The following WWOX variants were observed in gnomAD, a reference collection of about 807,000 sequenced individuals.
WWOX encodes WW domain containing oxidoreductase, also known as WW domain-containing oxidoreductase.
A neutral mutation model predicts 46.2 loss-of-function variants in WWOX; 69 were observed. The observed-to-expected ratio is 1.49, with a 90% CI of 1.23 to 1.82. The LOEUF is 1.82. WWOX is among the 40% of genes most tolerant of loss of function. The pLI is 0.00. For missense variants in WWOX, 919 were observed against 542.6 expected (o/e 1.69, Z -6.89); for synonymous variants, 359 against 202.6 (o/e 1.77, Z -6.56).
chr16:78,621,583 T>C (rs1236921058), intron 8 of WWOX, among the ~76,000 whole-genome samples: 3 of 145,814 alleles, frequency 2.1e-5, no homozygotes, highest in Non-Finnish European at 4.5e-5. Flanking sequence ...AACCTTGTGT[T>C]GTTCTAATCT....
At chr16:78,353,255 C>T (rs1305219951) in intron 5 of WWOX, among the ~76,000 whole-genome samples, 1 of 152,054 alleles carries the variant, frequency 6.6e-6, no homozygotes, top group Non-Finnish European at 1.5e-5. Flanking sequence ...TATAATACCT[C>T]AAGAGAAAAA....
chr16:78,647,464 A>G (rs766817771), intron 8 of WWOX, among the ~76,000 whole-genome samples: 55 of 152,178 alleles, frequency 3.6e-4, no homozygotes, highest in African/African-American at 1.3e-3. Flanking sequence ...CCCGTTCAGT[A>G]CACAATGAAA....
chr16:78,676,818 G>C (rs997618425), intron 8 of WWOX, among the ~76,000 whole-genome samples: 3 of 152,106 alleles, frequency 2.0e-5, no homozygotes, highest in Admixed American at 6.5e-5. Context: ...ACTTTACCTT[G>C]ATAGGACCTC....
intron 8 of WWOX, among the ~76,000 whole-genome samples, chr16:78,675,548 G>C (rs768210180): frequency 6.6e-6 from 1 of 152,192 alleles, no homozygotes; most frequent in East Asian, 1.9e-4. Flanking sequence ...TATTTTGAGA[G>C]CAAGCACGGG....
chr16:78,927,308 TCC>T (rs2045521240), intron 8 of WWOX, among the ~76,000 whole-genome samples: 1 of 152,200 alleles, frequency 6.6e-6, no homozygotes, highest in East Asian at 1.9e-4. Context: ...CTGCTCTTGG[TCC>T]ACTGTTTATC....
At chr16:78,542,005 C>A (rs530229281) in intron 8 of WWOX, among the ~76,000 whole-genome samples, 1 of 73,884 alleles carries the variant, frequency 1.4e-5, no homozygotes, top group Admixed American at 2.4e-4. Context: ...GGGTTTCTTT[C>A]AACAGAGTAT....
At chr16:79,107,139 C>G (rs1039805277) in intron 8 of WWOX, among the ~76,000 whole-genome samples, 20 of 152,244 alleles carry the variant, frequency 1.3e-4, no homozygotes, top group Middle Eastern at 3.4e-3. Flanking sequence ...CAGAATCTTA[C>G]TATGTTGCCC....
chr16:78,652,879 C>G (rs928319832), intron 8 of WWOX, among the ~76,000 whole-genome samples: 8 of 152,152 alleles, frequency 5.3e-5, no homozygotes, highest in South Asian at 2.1e-4. Context: ...TTGACTCCCC[C>G]TTGCCCATCA....
At chr16:78,583,279 C>A (rs905099295) in intron 8 of WWOX, among the ~76,000 whole-genome samples, 1 of 152,210 alleles carries the variant, frequency 6.6e-6, no homozygotes, top group South Asian at 2.1e-4. Context: ...TTCTCTTGGC[C>A]CTCCTTAGAG....
intron 8 of WWOX, among the ~76,000 whole-genome samples, chr16:78,542,655 A>G (rs571683754): frequency 1.6e-4 from 25 of 152,348 alleles, no homozygotes; most frequent in African/African-American, 5.8e-4. Flanking sequence ...AGTTGTGCTC[A>G]ACTGTGATTT....
intron 5 of WWOX, among the ~76,000 whole-genome samples, chr16:78,197,263 A>G (rs775135969): frequency 2.0e-5 from 3 of 152,186 alleles, no homozygotes; most frequent in Non-Finnish European, 4.4e-5. Context: ...CTGACTCCAA[A>G]GCCACCTGAC....
At chr16:78,618,451 C>A (rs1396298863) in intron 8 of WWOX, among the ~76,000 whole-genome samples, 2 of 152,146 alleles carry the variant, frequency 1.3e-5, no homozygotes, top group African/African-American at 4.8e-5. Flanking sequence ...ACATGGTCTT[C>A]CCTCTGTGTG....
intron 8 of WWOX, among the ~76,000 whole-genome samples, chr16:78,770,742 C>G (rs2050044922): frequency 6.7e-6 from 1 of 150,060 alleles, no homozygotes; most frequent in Non-Finnish European, 1.5e-5. Flanking sequence ...CGCCAGTGTC[C>G]CTGCAGCGCC....
chr16:78,470,707 T>C (rs983317128), intron 8 of WWOX, among the ~76,000 whole-genome samples: 3 of 152,112 alleles, frequency 2.0e-5, no homozygotes, highest in African/African-American at 7.2e-5. Flanking sequence ...TTTGTATTTT[T>C]AGTAGAGATG....
chr16:78,607,432 T>C (rs1258796262), intron 8 of WWOX, among the ~76,000 whole-genome samples: 2 of 152,164 alleles, frequency 1.3e-5, no homozygotes, highest in African/African-American at 4.8e-5. Flanking sequence ...ATTTGTCCAA[T>C]GATAATTAAG....
chr16:78,318,536 A>G (rs574234049), intron 5 of WWOX, among the ~76,000 whole-genome samples: 21 of 152,308 alleles, frequency 1.4e-4, no homozygotes, highest in Admixed American at 7.2e-4. Context: ...TGTTAAGAAC[A>G]CAACATTTAG....
chr16:79,065,757 A>G (rs544454930), intron 8 of WWOX, among the ~76,000 whole-genome samples: 5 of 152,334 alleles, frequency 3.3e-5, no homozygotes, highest in East Asian at 3.9e-4. Flanking sequence ...AGATTAAAGT[A>G]TAAACTAAAT....
intron 8 of WWOX, among the ~76,000 whole-genome samples, chr16:78,881,862 C>T (rs1015737718): frequency 6.6e-6 from 1 of 152,186 alleles, no homozygotes; most frequent in South Asian, 2.1e-4. Flanking sequence ...GTGGCTCATG[C>T]CTGTAATCCC....
chr16:78,271,134 T>C (rs553313972), intron 5 of WWOX, among the ~76,000 whole-genome samples: 1 of 152,348 alleles, frequency 6.6e-6, no homozygotes, highest in Non-Finnish European at 1.5e-5. Context: ...TAACCAAGAA[T>C]ACATCTGTGG....
Sources: gnomAD v4.1 joint callset for allele counts (sites outside exome capture counted in the v4.1 genomes callset) on GRCh38, gnomAD v4.1.1 for gene constraint, MANE v1.5 for transcripts, NCBI Gene and HGNC (gene_info 2026-07-23, HGNC 2026-07-21) for gene names.